CREB3L2: variants seen among roughly 807,000 people sequenced by gnomAD.
CREB3L2 encodes cAMP responsive element binding protein 3 like 2.
Under a neutral mutation model 57.2 loss-of-function variants are expected in CREB3L2, and 23 were observed. That is an observed-to-expected ratio of 0.40 (90% CI 0.29 to 0.57). The LOEUF is 0.57. Among genes scored for constraint, CREB3L2 ranks in the 20% least tolerant of loss-of-function variants. The pLI, the probability that CREB3L2 is intolerant of heterozygous loss-of-function variation, is 0.42. For missense variants in CREB3L2, 628 were observed against 634.7 expected (o/e 0.99, Z 0.11); for synonymous variants, 268 against 265.1 (o/e 1.01, Z -0.11).
rs1349156511 is a variant in CREB3L2 at position 137,875,621 on chromosome 7, G to A, written c.*4855C>T. The A allele has an allele frequency of 2.2e-5, 5 of 224,934 alleles. No homozygotes were observed. The highest frequency in any genetic ancestry group is 8.9e-5 in the African/African-American group (4 of 44,936). 13.9% of individuals were successfully genotyped at this position (224,934 alleles called of 1,614,324 possible). On this transcript the variant is annotated 3_prime_UTR_variant, in exon 12 of 12. Transcript: ENST00000330387. ...ACAGCAGGGCCATTGCAGGGGACAG[G>A]TGCTGTAATTCCTGCCCAGAGAACT...
intron 1 of CREB3L2, among the ~76,000 whole-genome samples, chr7:137,950,799 G>A (rs1055253970): frequency 3.3e-4 from 50 of 152,172 alleles, no homozygotes; most frequent in African/African-American, 1.2e-3. Context: ...ACAGGAGAAA[G>A]GGAACCTTTT....
chr7:137,956,655 A>G (rs912747629), intron 1 of CREB3L2: 22 of 1,285,584 alleles, frequency 1.7e-5, no homozygotes, highest in Non-Finnish European at 2.0e-5. Context: ...GGTAAGCCAT[A>G]TTGAAACAGC....
chr7:137,890,438 C>CAT (rs898273688), intron 8 of CREB3L2, among the ~76,000 whole-genome samples: 10 of 152,244 alleles, frequency 6.6e-5, no homozygotes, highest in Middle Eastern at 3.4e-3. Flanking sequence ...TAAGCTGATG[C>CAT]ATATATATAT....
intron 1 of CREB3L2, among the ~76,000 whole-genome samples, chr7:137,929,706 CAA>C (rs1442307155): frequency 2.3e-5 from 3 of 132,840 alleles, no homozygotes; most frequent in African/African-American, 2.8e-5. Flanking sequence ...ACTAAATATA[CAA>C]AAAAAAAAAA....
Position 137,878,934 on chromosome 7 carries a change from A to G in CREB3L2, c.*1542T>C. 1 of 402,094 alleles carries G rather than the reference A, an allele frequency of 2.5e-6. No homozygotes were observed. The highest frequency in any genetic ancestry group is 4.6e-6 in the Non-Finnish European group (1 of 215,512). 24.9% of individuals were successfully genotyped at this position (402,094 alleles called of 1,614,324 possible). On this transcript the variant is annotated 3_prime_UTR_variant, in exon 12 of 12. Transcript: ENST00000330387. ...GTGGGGGTGGGTGGTGGGGGGAGAGAGAGAAGGAGAGACAGAGAGAGAGAG... is the reference window on the plus strand; with the variant it reads ...GTGGGGGTGGGTGGTGGGGGGAGAGGGAGAAGGAGAGACAGAGAGAGAGAG...
intron 1 of CREB3L2, among the ~76,000 whole-genome samples, chr7:137,958,258 T>A (rs2117282275): frequency 6.6e-6 from 1 of 152,178 alleles, no homozygotes; most frequent in Admixed American, 6.5e-5. Context: ...TCAGGTAAAA[T>A]TCATGTAAAA....
chr7:137,953,619 C>G, intron 1 of CREB3L2: 1 of 840,890 alleles, frequency 1.2e-6, no homozygotes, highest in Non-Finnish European at 1.7e-6. Context: ...TTGGAAAGTC[C>G]TTGTTTCACT....
intron 1 of CREB3L2, among the ~76,000 whole-genome samples, chr7:137,930,334 G>A (rs1800589033): frequency 6.6e-6 from 1 of 152,226 alleles, no homozygotes; most frequent in Admixed American, 6.5e-5. Flanking sequence ...TAGAAAGGAA[G>A]TTAAGAAAGC....
intron 1 of CREB3L2, among the ~76,000 whole-genome samples, chr7:137,928,686 C>T (rs1800538552): frequency 6.6e-6 from 1 of 152,186 alleles, no homozygotes; most frequent in African/African-American, 2.4e-5. Context: ...ACACTTGGGC[C>T]TCTTTCTCAA....
chr7:137,946,912 T>TTA (rs58287919), intron 1 of CREB3L2, among the ~76,000 whole-genome samples: 8 of 52,360 alleles, frequency 1.5e-4, no homozygotes, highest in Admixed American at 8.3e-4. Flanking sequence ...ATATATATAG[T>TTA]TATATATATA....
chr7:137,913,506 CA>C (rs33940093), intron 3 of CREB3L2, among the ~76,000 whole-genome samples: 58,797 of 108,092 alleles, frequency 0.54, 12,543 homozygotes, highest in East Asian at 0.67. Context: ...GACCCTATCT[CA>C]AAAAAAAAAA....
intron 8 of CREB3L2, among the ~76,000 whole-genome samples, chr7:137,890,095 T>A (rs2117183257): frequency 6.6e-6 from 1 of 152,288 alleles, no homozygotes; most frequent in East Asian, 1.9e-4. Context: ...CTGAGATATG[T>A]CCACCATTAA....
chr7:137,991,817 A>G (rs567321661), intron 1 of CREB3L2, among the ~76,000 whole-genome samples: 6 of 152,036 alleles, frequency 3.9e-5, no homozygotes, highest in African/African-American at 1.4e-4. Flanking sequence ...CTGAGGCACA[A>G]GAATCACTTG....
chr7:137,904,089 G>T, intron 6 of CREB3L2, 72 bp from the exon 7 acceptor site: 1 of 1,297,224 alleles, frequency 7.7e-7, no homozygotes, highest in Non-Finnish European at 1.1e-6. Flanking sequence ...ATGGGAGGTG[G>T]TTAGCGTAGA....
chr7:137,981,799 C>T (rs1481666268), intron 1 of CREB3L2, among the ~76,000 whole-genome samples: 1 of 152,210 alleles, frequency 6.6e-6, no homozygotes, highest in Non-Finnish European at 1.5e-5. Context: ...GTAAGACAGC[C>T]ACTCGTTTCA....
intron 2 of CREB3L2, 98 bp downstream of exon 2, chr7:137,928,052 G>A: frequency 6.4e-6 from 6 of 940,748 alleles, no homozygotes; most frequent in Non-Finnish European, 9.9e-6. Context: ...ACTAATAAGG[G>A]TGCTGACACC....
Position 137,885,127 on chromosome 7 carries a change from G to C in CREB3L2, c.1144-6C>G, listed in dbSNP as rs1488526891. On this transcript the variant is annotated splice_region_variant and splice_polypyrimidine_tract_variant and intron_variant, in intron 9 of 11. Transcript: ENST00000330387. ...GCAAAGCACAGCACCACAACCTGTG[G>C]GAGAGAAAGAGGGGAGAGAGAACAC... 1 of 1,613,766 alleles carries C rather than the reference G, an allele frequency of 6.2e-7. No individual in the cohort carries two copies. Among genetic ancestry groups the C allele is most frequent in the Non-Finnish European group, 8.5e-7 (1 of 1,179,918 alleles).
intron 2 of CREB3L2, chr7:137,922,663 AT>A: frequency 2.2e-6 from 1 of 447,936 alleles, no homozygotes; most frequent in Non-Finnish European, 4.5e-6. Context: ...TCACAAGCAG[AT>A]TTTTTTCAAA....
At chr7:137,927,602 A>G (rs1800502706) in intron 2 of CREB3L2, among the ~76,000 whole-genome samples, 1 of 152,180 alleles carries the variant, frequency 6.6e-6, no homozygotes, top group South Asian at 2.1e-4. Context: ...CTAAGGCCAG[A>G]AAAACTAGAC....
Sources: gnomAD v4.1 joint callset for allele counts (sites outside exome capture counted in the v4.1 genomes callset) on GRCh38, gnomAD v4.1.1 for gene constraint, MANE v1.5 for transcripts, NCBI Gene and HGNC (gene_info 2026-07-23, HGNC 2026-07-21) for gene names.